OTUD7A: variants seen among roughly 807,000 people sequenced by gnomAD.
OTUD7A encodes OTU deubiquitinase 7A.
A neutral mutation model predicts 65.7 loss-of-function variants in OTUD7A; 12 were observed. The observed-to-expected ratio is 0.18, with a 90% CI of 0.12 to 0.30. OTUD7A has a LOEUF of 0.30. Ranked by LOEUF, OTUD7A falls within the 10% of genes least tolerant of loss-of-function variation. The pLI is 1.00. For synonymous variants in OTUD7A, 641 were observed against 586.3 expected (o/e 1.09, Z -1.35); for missense variants, 1,148 against 1,304.8 (o/e 0.88, Z 1.85).
chr15:31,845,917 A>G (rs1375516857), intron 1 of OTUD7A, among the ~76,000 whole-genome samples: 1 of 152,182 alleles, frequency 6.6e-6, no homozygotes, highest in Admixed American at 6.5e-5. Context: ...TGCACAAGAG[A>G]GCCCACAGGC....
Position 31,567,845 on chromosome 15 carries a change from G to T in OTUD7A, c.331+2173C>A, listed in dbSNP as rs190948439. 5.2e-3 allele frequency among the ~76,000 whole-genome samples: 797 copies of T among 152,378 alleles called. 4 individuals carry two copies. The highest frequency in any genetic ancestry group is 8.0e-3 in the Non-Finnish European group (541 of 68,040). ...ATACAGTTCAGGCTGCTGCTTCAGA[G>T]GGTGCAAGCCATAAGCCTTGGTGAC... On this transcript the variant is annotated intron_variant, in intron 4 of 12. Transcript: ENST00000307050.
chr15:31,599,835 C>T (rs1324044990), intron 3 of OTUD7A, among the ~76,000 whole-genome samples: 10 of 151,984 alleles, frequency 6.6e-5, no homozygotes, highest in Admixed American at 2.0e-4. Flanking sequence ...ACAAGAACTT[C>T]GTGAAGCATA....
intron 1 of OTUD7A, among the ~76,000 whole-genome samples, chr15:31,666,352 T>C (rs1892320200): frequency 6.6e-6 from 1 of 152,188 alleles, no homozygotes; most frequent in African/African-American, 2.4e-5. Flanking sequence ...CTAGGAGGAT[T>C]GTATTTTTCC....
intron 1 of OTUD7A, among the ~76,000 whole-genome samples, chr15:31,821,064 G>A (rs574046521): frequency 1.3e-5 from 2 of 151,218 alleles, no homozygotes; most frequent in East Asian, 3.9e-4. Context: ...GGGGTCTTTT[G>A]TGACTGGCTC....
intron 1 of OTUD7A, among the ~76,000 whole-genome samples, chr15:31,864,550 C>A (rs2141020510): frequency 6.6e-6 from 1 of 152,210 alleles, no homozygotes; most frequent in African/African-American, 2.4e-5. Flanking sequence ...TATTCACTAT[C>A]ACGAGTATAG....
intron 5 of OTUD7A, among the ~76,000 whole-genome samples, chr15:31,552,379 G>T (rs1243861528): frequency 6.6e-6 from 1 of 152,224 alleles, no homozygotes; most frequent in East Asian, 1.9e-4. Context: ...ATGAATAATT[G>T]TAATGCTGGA....
At chr15:31,830,671 A>C (rs955659206) in intron 1 of OTUD7A, among the ~76,000 whole-genome samples, 3 of 152,242 alleles carry the variant, frequency 2.0e-5, no homozygotes, top group South Asian at 2.1e-4. Context: ...TACCACAATG[A>C]TGTGGTGATA....
At chr15:31,844,061 G>A (rs1005516754) in intron 1 of OTUD7A, among the ~76,000 whole-genome samples, 3 of 152,184 alleles carry the variant, frequency 2.0e-5, no homozygotes, top group Admixed American at 6.5e-5. Context: ...TACTCACTTC[G>A]ACGGAATATT....
At chr15:31,731,859 A>G (rs1303071913) in intron 1 of OTUD7A, among the ~76,000 whole-genome samples, 1 of 152,094 alleles carries the variant, frequency 6.6e-6, no homozygotes, top group Non-Finnish European at 1.5e-5. Context: ...TGAACCTAAA[A>G]CTGCACTAAA....
Position 31,774,935 on chromosome 15 carries a change from C to T in OTUD7A, c.-100+95572G>A, listed in dbSNP as rs1381939890. Among the ~76,000 whole-genome samples, 4 of 146,836 alleles carry T rather than the reference C, an allele frequency of 2.7e-5. No homozygotes were observed. In the East Asian group the frequency reaches 6.0e-4, roughly 22 times the overall value. ...GGCCATCTCATCAGGCAAGGACGAC[C>T]CAATGCCTTCTCGGTGGAACAGTTT... On this transcript the variant is annotated intron_variant, in intron 1 of 12. Coordinates refer to ENST00000307050, the MANE Select transcript of OTUD7A (RefSeq NM_001382637.1).
At chr15:31,837,470 C>A (rs929301132) in intron 1 of OTUD7A, among the ~76,000 whole-genome samples, 5 of 151,756 alleles carry the variant, frequency 3.3e-5, no homozygotes, top group Admixed American at 2.0e-4. Context: ...CGCTTGAACC[C>A]AGGAGGCAGA....
chr15:31,704,721 C>G (rs1339213448), intron 1 of OTUD7A, among the ~76,000 whole-genome samples: 1 of 152,040 alleles, frequency 6.6e-6, no homozygotes, highest in Non-Finnish European at 1.5e-5. Context: ...AGACCCTATG[C>G]TGACTTCTAG....
At chr15:31,554,197 A>C (rs963528829) in intron 5 of OTUD7A, among the ~76,000 whole-genome samples, 13 of 152,306 alleles carry the variant, frequency 8.5e-5, no homozygotes, top group Non-Finnish European at 1.6e-4. Flanking sequence ...TCCCCAGAGT[A>C]GCCTCTGAGG....
chr15:31,561,682 G>A (rs185334954), intron 4 of OTUD7A, among the ~76,000 whole-genome samples: 124 of 152,202 alleles, frequency 8.1e-4, no homozygotes, highest in African/African-American at 2.5e-3. Context: ...AATAGATTGC[G>A]TTGAAGATCA....
At chr15:31,766,256 C>T (rs1895091426) in intron 1 of OTUD7A, 6 of 1,586,832 alleles carry the variant, frequency 3.8e-6, no homozygotes, top group African/African-American at 2.7e-5. Flanking sequence ...ACAGTGATCT[C>T]GCACCCATTG....
At chr15:31,802,206 T>A (rs930239993) in intron 1 of OTUD7A, among the ~76,000 whole-genome samples, 1 of 151,156 alleles carries the variant, frequency 6.6e-6, no homozygotes, top group South Asian at 2.1e-4. Flanking sequence ...GGTCCCACAA[T>A]AGGCCGTCTG....
intron 5 of OTUD7A, among the ~76,000 whole-genome samples, chr15:31,547,945 A>C (rs887527156): frequency 1.3e-5 from 2 of 152,266 alleles, no homozygotes; most frequent in Non-Finnish European, 2.9e-5. Flanking sequence ...GTCAGTCACA[A>C]AAATGGTCAA....
chr15:31,580,955 C>A (rs1046704157), intron 3 of OTUD7A, among the ~76,000 whole-genome samples: 1 of 152,154 alleles, frequency 6.6e-6, no homozygotes, highest in African/African-American at 2.4e-5. Context: ...CTCATTTTAG[C>A]ATTAACTCAA....
At chr15:31,818,245 G>T (rs1896599098) in intron 1 of OTUD7A, among the ~76,000 whole-genome samples, 1 of 152,104 alleles carries the variant, frequency 6.6e-6, no homozygotes, top group African/African-American at 2.4e-5. Context: ...GACTAGGCAG[G>T]TACCACATAT....
Sources: gnomAD v4.1 joint callset for allele counts (sites outside exome capture counted in the v4.1 genomes callset) on GRCh38, gnomAD v4.1.1 for gene constraint, MANE v1.5 for transcripts, NCBI Gene and HGNC (gene_info 2026-07-23, HGNC 2026-07-21) for gene names.